The following PDE1A variants were observed in gnomAD, a reference collection of about 807,000 sequenced individuals.
The protein encoded by PDE1A is dual specificity calcium/calmodulin-dependent 3',5'-cyclic nucleotide phosphodiesterase 1A.
In PDE1A, 35 loss-of-function variants were observed where a neutral mutation model predicts 61.7. The observed-to-expected ratio is 0.57, with a 90% CI of 0.43 to 0.75. The LOEUF is 0.75. Ranked by LOEUF, PDE1A falls within the 30% of genes least tolerant of loss-of-function variation. The pLI is 0.00. For missense variants in PDE1A, 597 were observed against 630.6 expected, an observed-to-expected ratio of 0.95 and a Z score of 0.57; for synonymous variants, 232 against 213.2, an observed-to-expected ratio of 1.09 and a Z score of -0.77.
chr2:182,538,395 G>A, the PDE1A span, among the ~76,000 whole-genome samples: 1 of 152,096 alleles, frequency 6.6e-6, no homozygotes, highest in African/African-American at 2.4e-5. Flanking sequence ...ATAAATGCAT[G>A]AACAACAATA....
chr2:182,290,813 T>C (rs1409224267), intron 1 of PDE1A, among the ~76,000 whole-genome samples: 1 of 151,990 alleles, frequency 6.6e-6, no homozygotes, highest in East Asian at 1.9e-4. Context: ...CACCTCCTAC[T>C]TGAGTTCTCT....
chr2:182,431,275 T>A (rs967029214), upstream of PDE1A, among the ~76,000 whole-genome samples: 7 of 152,044 alleles, frequency 4.6e-5, no homozygotes, highest in Non-Finnish European at 7.4e-5. Flanking sequence ...TTTTGACATA[T>A]CATACATGAA....
At chr2:182,540,384 A>AAGC in the PDE1A span, among the ~76,000 whole-genome samples, 387 of 77,470 alleles carry the variant, frequency 5.0e-3, 1 homozygote, top group Middle Eastern at 0.017. Context: ...AAAAAAAAAA[A>AAGC]AGCAGCAGCA....
intron 1 of PDE1A, among the ~76,000 whole-genome samples, chr2:182,391,211 C>T (rs1169263023): frequency 6.6e-6 from 1 of 152,018 alleles, no homozygotes; most frequent in Non-Finnish European, 1.5e-5. Context: ...CTAAGGAGGG[C>T]CCATATCCGC....
the PDE1A span, among the ~76,000 whole-genome samples, chr2:182,551,454 T>C: frequency 2.0e-5 from 3 of 151,922 alleles, no homozygotes; most frequent in Non-Finnish European, 4.4e-5. Context: ...GTCGTGGAAT[T>C]TGGAATTTTA....
the PDE1A span, among the ~76,000 whole-genome samples, chr2:182,549,566 T>C: frequency 6.6e-6 from 1 of 152,114 alleles, no homozygotes; most frequent in Non-Finnish European, 1.5e-5. Context: ...TGTACTTAAA[T>C]AGGAAACAAA....
chr2:182,567,248 T>G, the PDE1A span, among the ~76,000 whole-genome samples: 3 of 152,190 alleles, frequency 2.0e-5, no homozygotes, highest in African/African-American at 4.8e-5. Context: ...AACGTTTGCT[T>G]CCAATTGGAT....
intron 1 of PDE1A, among the ~76,000 whole-genome samples, chr2:182,423,461 A>C (rs1016518354): frequency 6.6e-6 from 1 of 152,180 alleles, no homozygotes; most frequent in Non-Finnish European, 1.5e-5. Context: ...CATCTACTCC[A>C]AAACCTCTCA....
upstream of PDE1A, among the ~76,000 whole-genome samples, chr2:182,431,757 G>T (rs1350306735): frequency 1.3e-5 from 2 of 152,028 alleles, no homozygotes; most frequent in Non-Finnish European, 2.9e-5. Flanking sequence ...ACAGTAGGCT[G>T]TCATCTTGGC....
chr2:182,554,671 C>T, the PDE1A span, among the ~76,000 whole-genome samples: 6 of 152,014 alleles, frequency 3.9e-5, no homozygotes, highest in Admixed American at 1.3e-4. Flanking sequence ...TAGAGTTATA[C>T]GAAGGAAATA....
chr2:182,222,854 A>G (rs1429957846), intron 7 of PDE1A, among the ~76,000 whole-genome samples: 1 of 152,044 alleles, frequency 6.6e-6, no homozygotes, highest in East Asian at 1.9e-4. Flanking sequence ...GTAAAAGAGA[A>G]ATTTCAGGAT....
chr2:182,525,957 T>C (rs187188837), upstream of PDE1A, among the ~76,000 whole-genome samples: 1 of 151,938 alleles, frequency 6.6e-6, no homozygotes, highest in East Asian at 1.9e-4. Context: ...ATCAGAAACA[T>C]AGCAATGGAA....
intron 1 of PDE1A, among the ~76,000 whole-genome samples, chr2:182,365,950 A>G (rs1210862671): frequency 6.6e-6 from 1 of 151,932 alleles, no homozygotes; most frequent in East Asian, 1.9e-4. Context: ...TCCGAGGTGT[A>G]CTGTCAACTG....
chr2:182,645,662 A>G, the PDE1A span, among the ~76,000 whole-genome samples: 2 of 152,240 alleles, frequency 1.3e-5, no homozygotes, highest in African/African-American at 4.8e-5. Flanking sequence ...AAAGTAAACG[A>G]AAAACAAAAA....
At chr2:182,452,748 C>T (rs748585023) in intron 2 of PDE1A, among the ~76,000 whole-genome samples, 16 of 152,076 alleles carry the variant, frequency 1.1e-4, no homozygotes, top group Admixed American at 2.0e-4. Flanking sequence ...AAGAAGAGTT[C>T]GAGAGCCAGT....
In PDE1A at chr2:182,147,081, A is replaced by G. The variant is rs764722270; in HGVS notation, c.1588T>C (p.Ter530GlnextTer?). ...GAAGTCTTTAAGGTGTTTCGGGCCT[A>G]TGAATGTGTCTCATCATGTTTTTCT... The change falls in exon 14 of 14, where the codon TAG becomes CAG. Residue 530 changes from the stop codon to glutamine (Q), a stop_lost. Transcript: ENST00000409365. 2.9e-5 allele frequency: 46 copies of G among 1,599,696 alleles called. No homozygotes were observed. The Admixed American group carries it at 4.9e-4, about 17-fold the overall frequency.
the PDE1A span, among the ~76,000 whole-genome samples, chr2:182,649,234 C>A: frequency 5.3e-5 from 8 of 152,136 alleles, no homozygotes; most frequent in African/African-American, 1.4e-4. Context: ...CACTGCCTGG[C>A]GACAGGGTAT....
intron 1 of PDE1A, among the ~76,000 whole-genome samples, chr2:182,396,588 T>C (rs989045993): frequency 2.0e-5 from 3 of 152,260 alleles, no homozygotes; most frequent in African/African-American, 7.2e-5. Context: ...ACACTTGTAC[T>C]AAGAAAATAT....
intron 2 of PDE1A, among the ~76,000 whole-genome samples, chr2:182,262,426 T>C (rs766508695): frequency 2.0e-5 from 3 of 152,004 alleles, no homozygotes; most frequent in East Asian, 1.9e-4. Context: ...CCACAATGCC[T>C]GGCTAATTTT....
Sources: allele counts gnomAD v4.1 joint callset (sites outside exome capture counted in the v4.1 genomes callset), GRCh38; gene constraint gnomAD v4.1.1; transcripts MANE v1.5; gene names NCBI Gene and HGNC (gene_info 2026-07-23, HGNC 2026-07-21).